Variants in AGAP1 observed in about 807,000 individuals in gnomAD.
The protein encoded by AGAP1 is ArfGAP with GTPase domain, ankyrin repeat and PH domain 1, also known as arf-GAP with GTPase, ANK repeat and PH domain-containing protein 1.
Under a neutral mutation model 105.3 loss-of-function variants are expected in AGAP1, and 29 were observed. The ratio of observed to expected loss-of-function variants is 0.28; its 90% confidence interval spans 0.21 to 0.38. The LOEUF is 0.38. Ranked by LOEUF, AGAP1 falls within the 10% of genes least tolerant of loss-of-function variation. The probability of loss-of-function intolerance (pLI) is 1.00; values close to 1 mark genes in which losing one functional copy is unlikely to be tolerated. For synonymous variants in AGAP1, 509 were observed against 485.9 expected (o/e 1.05, Z -0.63); for missense variants, 998 against 1,165.1 (o/e 0.86, Z 2.09).
At chr2:235,771,464 C>T (rs977795936) in intron 6 of AGAP1, among the ~76,000 whole-genome samples, 1 of 152,228 alleles carries the variant, frequency 6.6e-6, no homozygotes, top group African/African-American at 2.4e-5. Flanking sequence ...TGACCTAAGG[C>T]ATGTGGGCGT....
At chr2:235,820,332 A>C (rs952931573) in intron 9 of AGAP1, among the ~76,000 whole-genome samples, 3 of 152,228 alleles carry the variant, frequency 2.0e-5, no homozygotes, top group Admixed American at 6.5e-5. Context: ...TTATGTATCT[A>C]AGATAGTATG....
At chr2:235,840,432 G>A (rs1007628211) in intron 9 of AGAP1, among the ~76,000 whole-genome samples, 10 of 152,370 alleles carry the variant, frequency 6.6e-5, no homozygotes, top group African/African-American at 2.4e-4. Flanking sequence ...GTTAGAAACA[G>A]CCTCTTCCTT....
chr2:235,626,431 T>C (rs13424912), intron 1 of AGAP1, among the ~76,000 whole-genome samples: 4,965 of 152,212 alleles, frequency 0.033, 214 homozygotes, highest in African/African-American at 0.1. Flanking sequence ...GGGAGACCCA[T>C]GTAAGGTCTG....
At chr2:236,088,334 C>G (rs1355562808) in intron 16 of AGAP1, among the ~76,000 whole-genome samples, 1 of 152,246 alleles carries the variant, frequency 6.6e-6, no homozygotes, top group Non-Finnish European at 1.5e-5. Flanking sequence ...CCAGATAGCT[C>G]CAGCTCTGCT....
At chr2:236,094,544 G>C (rs967635944) in intron 16 of AGAP1, among the ~76,000 whole-genome samples, 1 of 151,738 alleles carries the variant, frequency 6.6e-6, no homozygotes, top group African/African-American at 2.4e-5. Context: ...TAGAGACCAG[G>C]CTTCACCGTG....
chr2:235,502,005 T>C (rs1941581607), intron 1 of AGAP1, among the ~76,000 whole-genome samples: 1 of 152,146 alleles, frequency 6.6e-6, no homozygotes, highest in South Asian at 2.1e-4. Context: ...TATTCAGGGG[T>C]ACAAGTGCTT....
chr2:235,578,012 C>G lies in AGAP1; in HGVS notation c.163+83163C>G, dbSNP rs1944793977. ...CATCCAGGTGCCTGCGTGTGCTGGT[C>G]CCGCCATCAGGACTTCCCCTCGTGA... On this transcript the variant is annotated intron_variant, in intron 1 of 17. Transcript: ENST00000304032. The surrounding 1 kb of genome is among the most constrained non-coding windows in gnomAD (Gnocchi z 4.9). Among the ~76,000 whole-genome samples the G allele has an allele frequency of 6.6e-6, 1 of 152,092 alleles. No individual in the cohort carries two copies. Among genetic ancestry groups the G allele is most frequent in the African/African-American group, 2.4e-5 (1 of 41,412 alleles).
rs1245292765 is a variant in AGAP1 at position 235,976,367 on chromosome 2, CG to C, written c.1645+7746del. ...AAAAGCCATCCTGCAGGGTACAGTC[CG>C]GCCGCCACAAACACACACAAGCAGT... is the stretch of plus-strand genomic sequence containing the variant. On this transcript the variant is annotated intron_variant, in intron 13 of 17. Transcript: ENST00000304032. The surrounding 1 kb of genome is among the most constrained non-coding windows in gnomAD (Gnocchi z 4.5). Among the ~76,000 whole-genome samples, 1 of 152,064 alleles carries C rather than the reference CG, an allele frequency of 6.6e-6. No individual in the cohort carries two copies. The highest frequency in any genetic ancestry group is 2.4e-5 in the African/African-American group (1 of 41,406).
At position 235,965,864 on chromosome 2, in the gene AGAP1, G is replaced by A. The variant is rs1370730917; in HGVS notation, c.1484-2598G>A. 6.6e-6 allele frequency among the ~76,000 whole-genome samples: 1 copy of A among 152,202 alleles called. No homozygotes were observed. Among genetic ancestry groups the A allele is most frequent in the East Asian group, 1.9e-4 (1 of 5,194 alleles). On this transcript the variant is annotated intron_variant, in intron 12 of 17. Coordinates refer to ENST00000304032, the MANE Select transcript of AGAP1 (RefSeq NM_001037131.3). The surrounding 1 kb of genome is among the most constrained non-coding windows in gnomAD (Gnocchi z 5.8). ...AGTGGAGAGGGAGGAATGAGTGGAA[G>A]TGACCTGGCCAAGACACCTGAGGAT...
chr2:235,847,282 C>T (rs1961608822), intron 9 of AGAP1, among the ~76,000 whole-genome samples: 1 of 152,154 alleles, frequency 6.6e-6, no homozygotes, highest in Non-Finnish European at 1.5e-5. Context: ...GAAAAACGGC[C>T]ATCTTTTTCA....
rs374021595 is a variant in AGAP1, at chr2:235,709,206, C to T, written c.191C>T (p.Thr64Met). ...GCCTTCGTGAACAGCCAGGAATGGA[C>T]GCTGAGTCGATCTGTCCCGGAGCTC... ...EDAFVNSQEW[T>M]LSRSVPELKV... is the part of the protein sequence containing the mutation. The change falls in exon 2 of 18, where the codon ACG becomes ATG. Residue 64 changes from threonine (T) to methionine (M), a missense_variant. This residue lies in a region of AGAP1 where 735 missense variants were observed against 833.4 expected (regional missense o/e 0.88). Transcript: ENST00000304032. The T allele has an allele frequency of 4.8e-5, 78 of 1,614,110 alleles. No homozygotes were observed. Among genetic ancestry groups the T allele is most frequent in the Non-Finnish European group, 5.7e-5 (67 of 1,180,030 alleles).
At chr2:235,773,237 G>C (rs1955595933) in intron 6 of AGAP1, among the ~76,000 whole-genome samples, 1 of 152,178 alleles carries the variant, frequency 6.6e-6, no homozygotes, top group East Asian at 1.9e-4. Context: ...TACACCCCAT[G>C]CAAATGAAGT....
At chr2:235,618,523 A>G (rs1303218988) in intron 1 of AGAP1, among the ~76,000 whole-genome samples, 2 of 152,172 alleles carry the variant, frequency 1.3e-5, no homozygotes, top group African/African-American at 4.8e-5. Context: ...AAAAATTTTC[A>G]GTCTCAATTC....
At chr2:235,870,590 C>T (rs1249204234) in intron 9 of AGAP1, among the ~76,000 whole-genome samples, 2 of 151,804 alleles carry the variant, frequency 1.3e-5, no homozygotes, top group Admixed American at 6.6e-5. Context: ...TGCACCATTG[C>T]ACTCCAGCCT....
chr2:235,844,921 C>T (rs532546236), intron 9 of AGAP1, among the ~76,000 whole-genome samples: 2 of 152,302 alleles, frequency 1.3e-5, no homozygotes, highest in South Asian at 4.1e-4. Context: ...TAGCACCCAT[C>T]ACACTGGGTA....
At chr2:235,794,391 A>T (rs73998917) in intron 6 of AGAP1, among the ~76,000 whole-genome samples, 1 of 152,186 alleles carries the variant, frequency 6.6e-6, no homozygotes, top group African/African-American at 2.4e-5. Flanking sequence ...GGAGTAGCTC[A>T]TGTGACAGAG....
rs1957097155 is a variant in AGAP1, at chr2:235,793,481, G to C, written c.674-4278G>C. ...AGGACAGTCTGTTGGGGTGCTGGCA[G>C]GGTGTTCGATTGCCACATGGTGGTG... On this transcript the variant is annotated intron_variant, in intron 6 of 17. Coordinates refer to ENST00000304032, the MANE Select transcript of AGAP1 (RefSeq NM_001037131.3). This position sits in a 1 kb window ranked among gnomAD's most constrained non-coding sequence, Gnocchi z 5.3. Among the ~76,000 whole-genome samples the C allele has an allele frequency of 6.6e-6, 1 of 152,206 alleles. No individual in the cohort carries two copies. Among genetic ancestry groups the C allele is most frequent in the Admixed American group, 6.5e-5 (1 of 15,282 alleles).
At chr2:235,546,644 C>T (rs1271279764) in intron 1 of AGAP1, among the ~76,000 whole-genome samples, 3 of 151,794 alleles carry the variant, frequency 2.0e-5, no homozygotes, top group Non-Finnish European at 2.9e-5. Context: ...GGCGTGGTGA[C>T]GGGTGTGTGG....
At chr2:235,880,259 G>A (rs1237987281) in intron 9 of AGAP1, among the ~76,000 whole-genome samples, 6 of 152,012 alleles carry the variant, frequency 3.9e-5, no homozygotes, top group African/African-American at 1.4e-4. Flanking sequence ...ATTTCCTCAC[G>A]AAAGTACCTC....
Sources: allele counts gnomAD v4.1 joint callset (sites outside exome capture counted in the v4.1 genomes callset), GRCh38; gene constraint gnomAD v4.1.1; regional missense constraint gnomAD v4.1.1; non-coding constraint Gnocchi (gnomAD v3.1); transcripts MANE v1.5; gene names NCBI Gene and HGNC (gene_info 2026-07-23, HGNC 2026-07-21).